The following FRMD4A variants were observed in gnomAD, a reference collection of about 807,000 sequenced individuals.
The protein encoded by FRMD4A is FERM domain containing 4A.
FRMD4A carries 29 observed loss-of-function variants against 129.1 expected under a neutral mutation model. The ratio of observed to expected loss-of-function variants is 0.22; its 90% CI spans 0.17 to 0.31. The LOEUF (loss-of-function observed/expected upper bound fraction) is 0.31. FRMD4A is among the 10% of genes least tolerant of loss of function. The pLI is 1.00. For synonymous variants in FRMD4A, 634 were observed against 571.6 expected (o/e 1.11, Z -1.56); for missense variants, 1,272 against 1,375.8 (o/e 0.92, Z 1.19).
At chr10:13,841,233 G>T (rs1440336792) in intron 3 of FRMD4A, among the ~76,000 whole-genome samples, 2 of 152,154 alleles carry the variant, frequency 1.3e-5, no homozygotes, top group African/African-American at 4.8e-5. Flanking sequence ...TAAGATTCTG[G>T]ATGCCTGCAC....
At chr10:14,162,630 GTTTTTTTTTTGTTTT>G (rs1840955071) in intron 2 of FRMD4A, among the ~76,000 whole-genome samples, 1 of 117,342 alleles carries the variant, frequency 8.5e-6, no homozygotes, top group African/African-American at 3.5e-5. Flanking sequence ...GAGTTTCTCT[GTTTTTTTTTTGTTTT>G]TTTTTTTTTT....
intron 15 of FRMD4A, among the ~76,000 whole-genome samples, chr10:13,686,019 A>G (rs1457201042): frequency 1.3e-5 from 2 of 152,222 alleles, no homozygotes; most frequent in African/African-American, 4.8e-5. Flanking sequence ...TCCTGCTCAA[A>G]CATGTCCAGA....
At chr10:13,660,149 T>G (rs947296045) in intron 20 of FRMD4A, among the ~76,000 whole-genome samples, 167 bp downstream of exon 20, 1 of 152,202 alleles carries the variant, frequency 6.6e-6, no homozygotes, top group African/African-American at 2.4e-5. Context: ...CTCAACAGTG[T>G]CGGCAGCAGA....
intron 4 of FRMD4A, among the ~76,000 whole-genome samples, chr10:13,805,913 C>T (rs1465648242): frequency 7.3e-5 from 11 of 151,706 alleles, no homozygotes; most frequent in African/African-American, 2.4e-4. Flanking sequence ...GGCTGGAGTG[C>T]GTGGCGTGAT....
intron 15 of FRMD4A, among the ~76,000 whole-genome samples, chr10:13,676,680 C>T (rs188807347): frequency 1.3e-5 from 2 of 152,268 alleles, no homozygotes; most frequent in East Asian, 3.9e-4. Flanking sequence ...TTGACAACTG[C>T]ATCAAAGAAC....
intron 2 of FRMD4A, among the ~76,000 whole-genome samples, chr10:14,258,645 T>A (rs1442373744): frequency 1.3e-5 from 2 of 152,214 alleles, no homozygotes; most frequent in Non-Finnish European, 1.5e-5. Context: ...GTTGGGTAGA[T>A]GACCCAATCA....
At chr10:13,659,607 C>T (rs766243467) in intron 20 of FRMD4A, 117 bp from the exon 21 acceptor site, 170 of 1,029,592 alleles carry the variant, frequency 1.7e-4, no homozygotes, top group Non-Finnish European at 2.1e-4. Context: ...GTGACTCCCA[C>T]CTCGCTTGGT....
At position 14,158,683 on chromosome 10, in the gene FRMD4A, G is replaced by A. The variant is rs535453878; in HGVS notation, c.45+171375C>T. On this transcript the variant is annotated intron_variant, in intron 2 of 24. Transcript: ENST00000357447. ...AGGGGGGCAAGAAAGAGGAGGAGGA[G>A]GAAGAGAAGTAGGAAGAGGAAGAGG... 5.9e-5 allele frequency among the ~76,000 whole-genome samples: 9 copies of A among 151,368 alleles called. No homozygotes were observed. The South Asian group carries it at 1.1e-3, about 18-fold the overall frequency.
At chr10:14,155,406 G>C (rs936291017) in intron 2 of FRMD4A, among the ~76,000 whole-genome samples, 1 of 152,114 alleles carries the variant, frequency 6.6e-6, no homozygotes, top group African/African-American at 2.4e-5. Context: ...GCCCAGCACT[G>C]GGGGCAATAA....
chr10:13,997,989 TC>T (rs1359303791), intron 2 of FRMD4A, among the ~76,000 whole-genome samples: 1 of 152,218 alleles, frequency 6.6e-6, no homozygotes, highest in East Asian at 1.9e-4. Context: ...TTAGTCCTTA[TC>T]TCACTTGACT....
intron 2 of FRMD4A, among the ~76,000 whole-genome samples, chr10:14,179,762 G>A (rs1367439392): frequency 6.6e-6 from 1 of 152,142 alleles, no homozygotes; most frequent in African/African-American, 2.4e-5. Context: ...GGCCGGGCGC[G>A]GTGGCTCACG....
chr10:13,858,434 T>C, intron 3 of FRMD4A, among the ~76,000 whole-genome samples: 1 of 152,236 alleles, frequency 6.6e-6, no homozygotes, highest in Non-Finnish European at 1.5e-5. Flanking sequence ...AGACTCTGTC[T>C]CAAAACAAAA....
intron 23 of FRMD4A, 31 bp from the exon 24 acceptor site, chr10:13,652,005 A>G (rs1482567953): frequency 1.7e-6 from 2 of 1,190,672 alleles, no homozygotes; most frequent in Non-Finnish European, 2.5e-6. Context: ...GGAGGAAGAG[A>G]AGAGAGGTCA....
chr10:13,867,712 CATATAATATAATATATA>C, intron 2 of FRMD4A, among the ~76,000 whole-genome samples: 1 of 3,500 alleles, frequency 2.9e-4, no homozygotes, highest in Non-Finnish European at 2.1e-3. Flanking sequence ...TAATAAATAA[CATATAATATAATATATA>C]ATAAATAACA....
intron 23 of FRMD4A, 182 bp from the exon 24 acceptor site, chr10:13,652,156 A>G: frequency 1.6e-6 from 1 of 611,836 alleles, no homozygotes; most frequent in Non-Finnish European, 2.9e-6. Flanking sequence ...ATTGAGTCAA[A>G]ATACCTAGTT....
intron 3 of FRMD4A, among the ~76,000 whole-genome samples, chr10:13,824,427 T>G (rs1185829875): frequency 2.0e-5 from 3 of 148,092 alleles, no homozygotes; most frequent in East Asian, 4.0e-4. Context: ...CAGGTGGAGG[T>G]TGCAGTGAGC....
chr10:13,867,880 AAT>A (rs1321112233), intron 2 of FRMD4A, among the ~76,000 whole-genome samples: 3 of 141,370 alleles, frequency 2.1e-5, no homozygotes, highest in Non-Finnish European at 4.5e-5. Context: ...TATAATAAAT[AAT>A]ATATAATATA....
At chr10:13,814,089 AT>A (rs1049053034) in intron 3 of FRMD4A, among the ~76,000 whole-genome samples, 1 of 151,208 alleles carries the variant, frequency 6.6e-6, no homozygotes, top group Non-Finnish European at 1.5e-5. Context: ...AATGGATTTG[AT>A]TTTTTTTTTC....
At chr10:14,070,240 T>G (rs1588906349) in intron 2 of FRMD4A, among the ~76,000 whole-genome samples, 1 of 151,906 alleles carries the variant, frequency 6.6e-6, no homozygotes, top group South Asian at 2.1e-4. Flanking sequence ...CTGTGAGGTG[T>G]AATCCAGCAC....
Sources: gnomAD v4.1 joint callset for allele counts (sites outside exome capture counted in the v4.1 genomes callset) on GRCh38, gnomAD v4.1.1 for gene constraint, MANE v1.5 for transcripts, NCBI Gene and HGNC (gene_info 2026-07-23, HGNC 2026-07-21) for gene names.